The following THSD4 variants were observed in gnomAD, a reference collection of about 807,000 sequenced individuals.
THSD4 encodes the protein thrombospondin type-1 domain-containing protein 4.
In THSD4, 69 loss-of-function variants were observed where a neutral mutation model predicts 119.0. The observed-to-expected ratio is 0.58, with a 90% CI of 0.48 to 0.71. The LOEUF (loss-of-function observed/expected upper bound fraction) is 0.71. Among genes scored for constraint, THSD4 ranks in the 30% least tolerant of loss-of-function variants. The pLI, the probability that THSD4 is intolerant of heterozygous loss-of-function variation, is 0.00. For missense variants in THSD4, 1,393 were observed against 1,391.1 expected (o/e 1.00, Z -0.02); for synonymous variants, 524 against 540.4 (o/e 0.97, Z 0.42).
At chr15:71,230,552 G>A (rs978083333) in intron 4 of THSD4, among the ~76,000 whole-genome samples, 5 of 152,232 alleles carry the variant, frequency 3.3e-5, no homozygotes, top group Non-Finnish European at 5.9e-5. Context: ...GACAGCCAGG[G>A]GAGGCAGGCA....
chr15:71,122,545 C>T (rs181735453), intron 1 of THSD4, among the ~76,000 whole-genome samples: 10 of 152,298 alleles, frequency 6.6e-5, no homozygotes, highest in Non-Finnish European at 1.2e-4. Context: ...AGCGCATATA[C>T]GCATAATGCC....
At chr15:71,397,137 C>T (rs1281418142) in intron 6 of THSD4, among the ~76,000 whole-genome samples, 1 of 152,190 alleles carries the variant, frequency 6.6e-6, no homozygotes, top group East Asian at 1.9e-4. Flanking sequence ...TCAGCTTGTG[C>T]TTTCTACTTC....
intron 7 of THSD4, among the ~76,000 whole-genome samples, chr15:71,451,970 G>A (rs895119311): frequency 7.9e-5 from 12 of 152,322 alleles, no homozygotes; most frequent in African/African-American, 2.9e-4. Context: ...CTCTTGGTTT[G>A]TTTGGCAGCA....
At chr15:71,725,685 G>A (rs1305701200) in intron 8 of THSD4, among the ~76,000 whole-genome samples, 2 of 152,200 alleles carry the variant, frequency 1.3e-5, no homozygotes, top group African/African-American at 4.8e-5. Flanking sequence ...TAGCAACATG[G>A]GGGTCTTGGT....
At chr15:71,314,348 C>G (rs1464442298) in intron 6 of THSD4, among the ~76,000 whole-genome samples, 1 of 152,028 alleles carries the variant, frequency 6.6e-6, no homozygotes, top group Non-Finnish European at 1.5e-5. Flanking sequence ...CACTCTGTCA[C>G]CCAGGCTGGA....
At chr15:71,587,787 T>TAAAAAAAAAAAAAAAAAAAAAAAAAAA (rs1207231444) in intron 7 of THSD4, among the ~76,000 whole-genome samples, 7 of 105,540 alleles carry the variant, frequency 6.6e-5, no homozygotes, top group Non-Finnish European at 1.2e-4. Flanking sequence ...AAAAAAAAAT[T>TAAAAAAAAAAAAAAAAAAAAAAAAAAA]AAAAAAAAAA....
At chr15:71,763,675 C>G (rs1356280255) in intron 15 of THSD4, among the ~76,000 whole-genome samples, 1 of 152,028 alleles carries the variant, frequency 6.6e-6, no homozygotes, top group Admixed American at 6.5e-5. Context: ...AGCCTCCTGA[C>G]CCCAGGCGAT....
Position 71,231,839 on chromosome 15 carries a change from T to C in THSD4, c.465-10810T>C, listed in dbSNP as rs138430814. 1.3e-3 allele frequency among the ~76,000 whole-genome samples: 198 copies of C among 152,314 alleles called. 1 individual carries two copies. Among genetic ancestry groups the C allele is most frequent in the African/African-American group, 4.3e-3 (180 of 41,566 alleles). ...CCTCTTATCTTCTGTAGACACCAGA[T>C]AATTTATTACCCAGAACAGCCCTGG... On this transcript the variant is annotated intron_variant, in intron 4 of 17. Coordinates refer to ENST00000261862, the MANE Select transcript of THSD4 (RefSeq NM_024817.3).
chr15:71,423,920 TG>T (rs1313055412), intron 7 of THSD4, among the ~76,000 whole-genome samples: 2 of 152,176 alleles, frequency 1.3e-5, no homozygotes, highest in Non-Finnish European at 2.9e-5. Context: ...TGGCAACAGC[TG>T]GGTTCTGCCT....
At chr15:71,762,072 A>G (rs2053635330) in intron 15 of THSD4, among the ~76,000 whole-genome samples, 1 of 152,072 alleles carries the variant, frequency 6.6e-6, no homozygotes, top group Non-Finnish European at 1.5e-5. Flanking sequence ...TCATTGTTCA[A>G]AGATTCCCCA....
At chr15:71,243,723 G>A (rs774542330) in intron 5 of THSD4, among the ~76,000 whole-genome samples, 15 of 150,936 alleles carry the variant, frequency 9.9e-5, no homozygotes, top group Non-Finnish European at 1.8e-4. Context: ...TTATCTTCAT[G>A]CATTTACATA....
At chr15:71,425,660 C>T (rs1363774009) in intron 7 of THSD4, among the ~76,000 whole-genome samples, 1 of 152,154 alleles carries the variant, frequency 6.6e-6, no homozygotes, top group Non-Finnish European at 1.5e-5. Context: ...GTCTGGAGTG[C>T]CTTGCTGTGT....
chr15:71,269,257 A>G (rs2044501225), intron 6 of THSD4, among the ~76,000 whole-genome samples: 1 of 152,218 alleles, frequency 6.6e-6, no homozygotes, highest in Non-Finnish European at 1.5e-5. Flanking sequence ...CATCACAATC[A>G]AGTTAACTTC....
intron 8 of THSD4, among the ~76,000 whole-genome samples, chr15:71,715,244 GT>G (rs1420154333): frequency 1.3e-5 from 2 of 152,148 alleles, no homozygotes; most frequent in African/African-American, 4.8e-5. Context: ...TACATCCTGT[GT>G]TTTTTAGGTT....
intron 7 of THSD4, among the ~76,000 whole-genome samples, chr15:71,599,853 A>T (rs551442798): frequency 2.0e-5 from 3 of 152,246 alleles, no homozygotes; most frequent in Admixed American, 6.5e-5. Flanking sequence ...TAAAGCCCCA[A>T]TGTCTTCCCC....
chr15:71,572,725 GA>G (rs1158954436), intron 7 of THSD4, among the ~76,000 whole-genome samples: 1 of 152,154 alleles, frequency 6.6e-6, no homozygotes, highest in Non-Finnish European at 1.5e-5. Flanking sequence ...TTCCAAGTCG[GA>G]AAGTAGGGTT....
At chr15:71,564,040 G>GT (rs1261567035) in intron 7 of THSD4, among the ~76,000 whole-genome samples, 1 of 152,116 alleles carries the variant, frequency 6.6e-6, no homozygotes, top group Non-Finnish European at 1.5e-5. Flanking sequence ...AAACTAAATA[G>GT]TTTTTTGCAG....
chr15:71,283,347 C>T (rs1350633059), intron 6 of THSD4, among the ~76,000 whole-genome samples: 1 of 152,186 alleles, frequency 6.6e-6, no homozygotes, highest in Non-Finnish European at 1.5e-5. Flanking sequence ...AACTTGAACA[C>T]ACCAAGTCTA....
At chr15:71,658,245 G>C (rs1229583917) in intron 7 of THSD4, among the ~76,000 whole-genome samples, 7 of 152,208 alleles carry the variant, frequency 4.6e-5, no homozygotes, top group Admixed American at 1.3e-4. Flanking sequence ...TTCTTGACAA[G>C]TTCCGCTGAA....
Sources: gnomAD v4.1 joint callset for allele counts (sites outside exome capture counted in the v4.1 genomes callset) on GRCh38, gnomAD v4.1.1 for gene constraint, MANE v1.5 for transcripts, NCBI Gene and HGNC (gene_info 2026-07-23, HGNC 2026-07-21) for gene names.